The following STT3A variants were observed in gnomAD, a reference collection of about 807,000 sequenced individuals.
STT3A encodes dolichyl-diphosphooligosaccharide--protein glycosyltransferase subunit STT3A.
STT3A carries 34 observed loss-of-function variants against 89.2 expected under a neutral mutation model. That is an observed-to-expected ratio of 0.38 (90% CI 0.29 to 0.51). STT3A has a LOEUF of 0.51. Among genes scored for constraint, STT3A ranks in the 20% least tolerant of loss-of-function variants. The pLI, the probability that STT3A is intolerant of heterozygous loss-of-function variation, is 0.89. For missense variants in STT3A, 555 were observed against 889.5 expected (o/e 0.62, Z 4.78); for synonymous variants, 282 against 310.3 (o/e 0.91, Z 0.96).
chr11:125,616,648 T>TG (rs1940188277), intron 15 of STT3A, among the ~76,000 whole-genome samples: 1 of 152,244 alleles, frequency 6.6e-6, no homozygotes, highest in Non-Finnish European at 1.5e-5. Context: ...TTTTGAACAA[T>TG]GGGCTCTCCT....
chr11:125,599,741 A>T (rs889792659), intron 3 of STT3A, among the ~76,000 whole-genome samples: 7 of 142,792 alleles, frequency 4.9e-5, no homozygotes, highest in East Asian at 2.1e-4. Context: ...TATTATTATT[A>T]TTTTTTGAGA....
chr11:125,620,838 G>A lies in STT3A; in HGVS notation c.*28G>A, dbSNP rs201648424. The A allele has an allele frequency of 2.4e-3, 3,869 of 1,585,146 alleles. 6 individuals are homozygous for A. Among genetic ancestry groups the A allele is most frequent in the Non-Finnish European group, 3.0e-3 (3,515 of 1,159,498 alleles). Reference sequence around the variant, plus strand: ...GTCACGTCCAGCTCTGATATGCTTCGCACTGAGCACATCACATTTAGGACG... The same window carrying A: ...GTCACGTCCAGCTCTGATATGCTTCACACTGAGCACATCACATTTAGGACG... On this transcript the variant is annotated 3_prime_UTR_variant, in exon 18 of 18. Transcript: ENST00000392708.
At chr11:125,592,686 T>C (rs574294212), upstream of STT3A, 1 of 350,294 alleles carries the variant, frequency 2.9e-6, no homozygotes, top group African/African-American at 2.1e-5. Flanking sequence ...GCCTCTAGAC[T>C]GCTAAGTGAT....
chr11:125,604,348 G>A lies in STT3A; in HGVS notation c.508+101G>A, dbSNP rs886781666. The A allele has an allele frequency of 2.6e-6, 3 of 1,158,006 alleles. 1 individual carries two copies. Among genetic ancestry groups the A allele is most frequent in the Middle Eastern group, 4.1e-4 (2 of 4,832 alleles). The allele number at this position is 1,158,006 out of a possible 1,614,324, so 71.7% of individuals were successfully genotyped here. A position where few individuals can be genotyped will look rare whatever the true frequency, so the allele number is the denominator to read the frequency against. On this transcript the variant is annotated intron_variant, in intron 6 of 17. Coordinates refer to ENST00000392708, the MANE Select transcript of STT3A (RefSeq NM_152713.5). Reference sequence around the variant, plus strand: ...TTTAGCAATAATAAAAATGGTAACTGGGTGAGAATATTAGAAATGGGCAGG... The same window carrying A: ...TTTAGCAATAATAAAAATGGTAACTAGGTGAGAATATTAGAAATGGGCAGG...
chr11:125,619,446 A>G (rs1940282726), intron 16 of STT3A, among the ~76,000 whole-genome samples: 1 of 152,178 alleles, frequency 6.6e-6, no homozygotes, highest in Non-Finnish European at 1.5e-5. Context: ...TCAGGATTCA[A>G]ACTGACAAAG....
In STT3A at chr11:125,616,452, A is replaced by G. The variant is rs1180508161; in HGVS notation, c.1775-1921A>G. On this transcript the variant is annotated intron_variant, in intron 15 of 17. Transcript: ENST00000392708. ...TTTTGATTAGAGGTTTGTTGAATTT[A>G]TGGATGTCAAACCCACAGATATGGA... is the stretch of plus-strand genomic sequence containing the variant. Among the ~76,000 whole-genome samples, 7 of 152,210 alleles carry G rather than the reference A, an allele frequency of 4.6e-5. No homozygotes were observed. The East Asian group carries it at 1.3e-3, about 29-fold the overall frequency.
chr11:125,620,031 C>T lies in STT3A; in HGVS notation c.1984C>T (p.Arg662Cys). Reference protein sequence around the residue: ...TEAKRPPGFDRVRNAEIGNKD... With the variant: ...TEAKRPPGFDCVRNAEIGNKD... Reference sequence around the variant, plus strand: ...TCTAGAGCGTCCTCCAGGCTTTGACCGTGTCCGAAATGCTGAGATTGGGAA... The same window carrying T: ...TCTAGAGCGTCCTCCAGGCTTTGACTGTGTCCGAAATGCTGAGATTGGGAA... Residue 662 changes from arginine to cysteine, a missense_variant, in exon 17 of 18, where the codon CGT (arginine) becomes TGT (cysteine). This residue lies in a region of STT3A where 273 missense variants were observed against 449.8 expected (regional missense o/e 0.61). Transcript: ENST00000392708. The T allele has an allele frequency of 1.9e-6, 3 of 1,614,020 alleles. No homozygotes were observed. The highest frequency in any genetic ancestry group is 2.5e-6 in the Non-Finnish European group (3 of 1,179,972).
chr11:125,599,652 A>G lies in STT3A; in HGVS notation c.149+2533A>G, dbSNP rs1056819318. On this transcript the variant is annotated intron_variant, in intron 3 of 17. Transcript: ENST00000392708. Reference sequence around the variant, plus strand: ...TCAAACTTCTGTGCTCAAGCGATCCATCCACCTCTGCCTCCCAAAGTGCTG... The same window carrying G: ...TCAAACTTCTGTGCTCAAGCGATCCGTCCACCTCTGCCTCCCAAAGTGCTG... 7.3e-5 allele frequency among the ~76,000 whole-genome samples: 11 copies of G among 150,332 alleles called. No individual in the cohort carries two copies. In the East Asian group the frequency reaches 2.0e-3, roughly 27 times the overall value.
intron 15 of STT3A, among the ~76,000 whole-genome samples, chr11:125,615,173 A>G (rs1240312278): frequency 6.6e-6 from 1 of 152,150 alleles, no homozygotes; most frequent in Non-Finnish European, 1.5e-5. Flanking sequence ...AGGCTGAGGC[A>G]GGAGAATCGC....
chr11:125,602,373 G>C lies in STT3A; in HGVS notation c.220G>C (p.Asp74His). The C allele has an allele frequency of 6.2e-7, 1 of 1,613,668 alleles. No individual in the cohort carries two copies. Among genetic ancestry groups the C allele is most frequent in the Non-Finnish European group, 8.5e-7 (1 of 1,179,896 alleles). The change falls in exon 4 of 18, where the codon GAC becomes CAC. Residue 74 changes from aspartate to histidine, a missense_variant. Around this residue, in one of 5 missense-constraint regions of STT3A, gnomAD observed 129 missense variants for 193.2 expected, o/e 0.67. Coordinates refer to ENST00000392708, the MANE Select transcript of STT3A (RefSeq NM_152713.5). ...TTATAAATTCCATAACTGGTTTGAT[G>C]ACCGAGCCTGGTACCCTTTGGGACG... ...GFYKFHNWFD[D>H]RAWYPLGRII...
rs146371891 is a variant in STT3A, at chr11:125,617,143, C to T, written c.1775-1230C>T. 9.6e-3 allele frequency among the ~76,000 whole-genome samples: 1,455 copies of T among 152,242 alleles called. 26 individuals carry two copies. The highest frequency in any genetic ancestry group is 0.031 in the African/African-American group (1,305 of 41,560). On this transcript the variant is annotated intron_variant, in intron 15 of 17. Coordinates refer to ENST00000392708, the MANE Select transcript of STT3A (RefSeq NM_152713.5). The stretch of plus-strand genomic sequence containing the variant: ...GCTATGATCTAGGCAAGTCTCTGTG[C>T]CTCAGTTTCTCCATTTGTAATATGA...
At position 125,592,876 on chromosome 11, in the gene STT3A, A is replaced by C. The variant is rs1441111703; in HGVS notation, c.-78A>C. On this transcript the variant is annotated 5_prime_UTR_variant, in exon 1 of 18. An upstream start codon of the reference 5' UTR is lost. Coordinates refer to ENST00000392708, the MANE Select transcript of STT3A (RefSeq NM_152713.5). The stretch of plus-strand genomic sequence containing the variant: ...CAGGGTTGGGTGCGCCGCTGAACGG[A>C]TGGCTGAGGGAGCCCCGCGGATCGT... 5.7e-6 allele frequency: 1 copy of C among 175,242 alleles called. No homozygotes were observed. The highest frequency in any genetic ancestry group is 2.4e-5 in the African/African-American group (1 of 41,856). 10.9% of individuals were successfully genotyped at this position (175,242 alleles called of 1,614,324 possible). A position where few individuals can be genotyped will look rare whatever the true frequency, so the allele number is the denominator to read the frequency against.
At chr11:125,605,823 C>G in intron 7 of STT3A, 88 bp downstream of exon 7, 1 of 1,154,540 alleles carries the variant, frequency 8.7e-7, no homozygotes, top group East Asian at 2.4e-5. Context: ...ACTTTCTTTT[C>G]TGGTAGGTTC....
chr11:125,607,959 TA>T (rs1187837939), intron 8 of STT3A, 149 bp from the exon 9 acceptor site: 1 of 706,092 alleles, frequency 1.4e-6, no homozygotes, highest in African/African-American at 1.8e-5. Flanking sequence ...GCTGGTGAAT[TA>T]AACCCTTCCC....
At chr11:125,604,037 A>T in intron 5 of STT3A, 120 bp from the exon 6 acceptor site, 1 of 1,004,522 alleles carries the variant, frequency 1.0e-6, no homozygotes, top group Non-Finnish European at 1.5e-6. Context: ...TCTCACATCT[A>T]CCTTCGAAAT....
rs1940112227 is a variant in STT3A, at chr11:125,614,357, A to G, written c.1705A>G (p.Ile569Val). Residue 569 changes from isoleucine to valine, a missense_variant, in exon 15 of 18, where the codon ATC becomes GTC. This residue lies in a region of STT3A where 273 missense variants were observed against 449.8 expected (regional missense o/e 0.61). Transcript: ENST00000392708. This position sits in a 1 kb window ranked among gnomAD's most constrained non-coding sequence, Gnocchi z 4.9. Reference protein sequence around the residue: ...MASTEEKAYEIMRELDVSYVL... With the variant: ...MASTEEKAYEVMRELDVSYVL... ...GTCCACAGAGGAAAAAGCCTATGAG[A>G]TCATGAGGGAGCTCGATGTCAGCTA... The G allele has an allele frequency of 6.2e-7, 1 of 1,614,100 alleles. No individual in the cohort carries two copies. The highest frequency in any genetic ancestry group is 8.5e-7 in the Non-Finnish European group (1 of 1,180,020).
intron 16 of STT3A, among the ~76,000 whole-genome samples, chr11:125,618,889 A>C (rs767148184): frequency 6.6e-6 from 1 of 151,640 alleles, no homozygotes; most frequent in Non-Finnish European, 1.5e-5. Context: ...GCACACCACA[A>C]TGCCTGGCTG....
At chr11:125,596,278 A>G (rs1939493272) in intron 2 of STT3A, among the ~76,000 whole-genome samples, 1 of 152,206 alleles carries the variant, frequency 6.6e-6, no homozygotes, top group Non-Finnish European at 1.5e-5. Context: ...CAGCCTGGCC[A>G]ACATGATGAA....
At chr11:125,605,147 AAGC>A (rs2135923353) in intron 6 of STT3A, among the ~76,000 whole-genome samples, 1 of 151,698 alleles carries the variant, frequency 6.6e-6, no homozygotes, top group Middle Eastern at 3.4e-3. Flanking sequence ...GAAAAAAAAA[AAGC>A]AGACTGGAGA....
Sources: gnomAD v4.1 joint callset for allele counts (sites outside exome capture counted in the v4.1 genomes callset) on GRCh38, gnomAD v4.1.1 for gene constraint, gnomAD v4.1.1 regional missense constraint, Gnocchi (gnomAD v3.1) non-coding constraint, MANE v1.5 for transcripts, NCBI Gene and HGNC (gene_info 2026-07-23, HGNC 2026-07-21) for gene names.